Variants in CAST observed in about 807,000 individuals in gnomAD.
CAST encodes the protein calpastatin, also known as MIR583 host.
CAST carries 76 observed loss-of-function variants against 119.6 expected under a neutral mutation model. The observed-to-expected ratio is 0.64, with a 90% confidence interval of 0.53 to 0.77. CAST has a LOEUF of 0.77. Among genes scored for constraint, CAST ranks in the 30% least tolerant of loss-of-function variants. CAST has a pLI of 0.00. For missense variants in CAST, 953 were observed against 946.5 expected (o/e 1.01, Z -0.09); for synonymous variants, 319 against 331.6 (o/e 0.96, Z 0.41).
intron 28 of CAST, 78 bp downstream of exon 28, chr5:96,767,560 A>G (rs1387884936): frequency 9.5e-7 from 1 of 1,052,952 alleles, no homozygotes; most frequent in Non-Finnish European, 1.5e-6. Flanking sequence ...TTAGAAAACT[A>G]AAACATATTG....
the CAST span, among the ~76,000 whole-genome samples, chr5:96,059,499 A>G: frequency 6.6e-6 from 1 of 152,152 alleles, no homozygotes; most frequent in Non-Finnish European, 1.5e-5. Context: ...TCAGGTAACT[A>G]TCCTGGGAAA....
chr5:96,112,629 T>C, the CAST span, among the ~76,000 whole-genome samples: 1 of 152,202 alleles, frequency 6.6e-6, no homozygotes, highest in Non-Finnish European at 1.5e-5. Context: ...TTTAGAGATG[T>C]TCCTTCACTT....
At chr5:96,508,599 G>C in the CAST span, among the ~76,000 whole-genome samples, 1 of 152,134 alleles carries the variant, frequency 6.6e-6, no homozygotes, top group Non-Finnish European at 1.5e-5. Flanking sequence ...AATGCAGCTT[G>C]TAAAGAAAAA....
the CAST span, among the ~76,000 whole-genome samples, chr5:96,414,346 T>G: frequency 1.3e-5 from 2 of 152,026 alleles, no homozygotes; most frequent in African/African-American, 4.8e-5. Context: ...CCATTTGAGG[T>G]GGGTGCCGTA....
At chr5:96,226,471 C>T in the CAST span, among the ~76,000 whole-genome samples, 1 of 151,906 alleles carries the variant, frequency 6.6e-6, no homozygotes, top group South Asian at 2.1e-4. Context: ...GGCAACATGG[C>T]AAAACCCTGT....
chr5:96,017,540 G>A, the CAST span, among the ~76,000 whole-genome samples: 1 of 152,066 alleles, frequency 6.6e-6, no homozygotes, highest in African/African-American at 2.4e-5. Flanking sequence ...AAATATTGTG[G>A]TCACATGTCT....
the CAST span, among the ~76,000 whole-genome samples, chr5:96,485,954 A>T: frequency 6.6e-6 from 1 of 152,170 alleles, no homozygotes; most frequent in African/African-American, 2.4e-5. Flanking sequence ...TTTTCCCTTT[A>T]ATTGTACCTA....
chr5:96,228,171 A>C, the CAST span, among the ~76,000 whole-genome samples: 11,348 of 152,192 alleles, frequency 0.075, 632 homozygotes, highest in East Asian at 0.22. Context: ...GAGAGAGAGC[A>C]GAGTAGGAGG....
the CAST span, among the ~76,000 whole-genome samples, chr5:96,230,311 T>C: frequency 6.6e-3 from 1,011 of 152,308 alleles, 18 homozygotes; most frequent in African/African-American, 0.023. Context: ...ACTCTGTAAG[T>C]CCTTTTAGGT....
At chr5:96,305,752 T>C in the CAST span, among the ~76,000 whole-genome samples, 1 of 152,174 alleles carries the variant, frequency 6.6e-6, no homozygotes, top group Non-Finnish European at 1.5e-5. Flanking sequence ...TGATGGATTA[T>C]GTTTATTGAT....
chr5:96,016,161 T>G, the CAST span, among the ~76,000 whole-genome samples: 2 of 152,214 alleles, frequency 1.3e-5, no homozygotes, highest in African/African-American at 4.8e-5. Context: ...TGATGGCCTA[T>G]CCCAAGGACT....
At chr5:96,520,254 A>T in the CAST span, among the ~76,000 whole-genome samples, 1 of 152,184 alleles carries the variant, frequency 6.6e-6, no homozygotes, top group Non-Finnish European at 1.5e-5. Context: ...GTTTCCCAAC[A>T]CTGATTTGGA....
the CAST span, among the ~76,000 whole-genome samples, chr5:96,220,279 C>G: frequency 6.6e-6 from 1 of 152,182 alleles, no homozygotes; most frequent in Admixed American, 6.5e-5. Flanking sequence ...GCTGTGGCAG[C>G]CATCTGGTGT....
At chr5:96,166,517 A>G in the CAST span, among the ~76,000 whole-genome samples, 9 of 152,306 alleles carry the variant, frequency 5.9e-5, no homozygotes, top group African/African-American at 9.6e-5. Context: ...CCATCCAGGG[A>G]CCATCACAGC....
chr5:96,726,839 A>G lies in CAST; in HGVS notation c.316A>G (p.Lys106Glu), dbSNP rs1759334977. ...GATGGAAGGACCACATCTTCCTAAC[A>G]AGAAAAAACACAAAAAACAGGTGAT... is the stretch of plus-strand genomic sequence containing the variant. ...QQMEGPHLPN[K>E]KKHKKQAVKT... The change falls in exon 5 of 32, where the codon AAG becomes GAG. Residue 106 changes from lysine (K) to glutamate (E), a missense_variant. Transcript: ENST00000675179. The G allele has an allele frequency of 3.1e-6, 5 of 1,613,548 alleles. No individual in the cohort carries two copies. The highest frequency in any genetic ancestry group is 2.2e-5 in the South Asian group (2 of 91,042).
the CAST span, among the ~76,000 whole-genome samples, chr5:96,114,365 A>AG: frequency 1.4e-4 from 21 of 152,296 alleles, no homozygotes; most frequent in South Asian, 4.3e-3. Context: ...AAGGATTCCC[A>AG]GGGGATTTGT....
chr5:95,981,149 T>G, the CAST span, among the ~76,000 whole-genome samples: 1 of 152,196 alleles, frequency 6.6e-6, no homozygotes, highest in African/African-American at 2.4e-5. Context: ...GTTGGTGAGC[T>G]GAGGCTCCAA....
rs772251093 is a variant in CAST at position 96,534,751 on chromosome 5, A to AAG, written c.60+4873_60+4874dup. Among the ~76,000 whole-genome samples the AAG allele has an allele frequency of 8.6e-3, 210 of 24,342 alleles. 31 individuals carry two copies. Among genetic ancestry groups the AAG allele is most frequent in the Middle Eastern group, 0.083 (4 of 48 alleles). The allele number at this position is 24,342 out of a possible 152,430, so 16.0% of individuals were successfully genotyped here. The stretch of plus-strand genomic sequence containing the variant: ...AGAGAGAGAGAGAGAGAAAGAAAGA[A>AAG]AGAAAGAAAGAAAGAAAGAAAGAAA... On this transcript the variant is annotated intron_variant, in intron 1 of 11. Transcript: ENST00000505143.
At chr5:96,757,166 C>A (rs1366179802) in intron 22 of CAST, among the ~76,000 whole-genome samples, 1 of 152,176 alleles carries the variant, frequency 6.6e-6, no homozygotes, top group Non-Finnish European at 1.5e-5. Context: ...TCACGTTTTC[C>A]TGCTGTGATA....
Sources: gnomAD v4.1 joint callset for allele counts (sites outside exome capture counted in the v4.1 genomes callset) on GRCh38, gnomAD v4.1.1 for gene constraint, MANE v1.5 for transcripts, NCBI Gene and HGNC (gene_info 2026-07-23, HGNC 2026-07-21) for gene names.